The following KCNQ4 variants were observed in gnomAD, a reference collection of about 807,000 sequenced individuals.
KCNQ4 encodes the protein potassium voltage-gated channel subfamily Q member 4, also known as potassium voltage-gated channel subfamily KQT member 4.
KCNQ4 carries 31 observed loss-of-function variants against 72.6 expected under a neutral mutation model. The observed-to-expected ratio is 0.43, with a 90% CI of 0.32 to 0.58. The LOEUF (loss-of-function observed/expected upper bound fraction) is 0.58. Ranked by LOEUF, KCNQ4 falls within the 20% of genes least tolerant of loss-of-function variation. The pLI, the probability that KCNQ4 is intolerant of heterozygous loss-of-function variation, is 0.08. For synonymous variants in KCNQ4, 405 were observed against 403.7 expected (o/e 1.00, Z -0.04); for missense variants, 869 against 962.6 (o/e 0.90, Z 1.29).
At chr1:40,820,896 G>A (rs1203160619) in intron 7 of KCNQ4, among the ~76,000 whole-genome samples, 1 of 152,192 alleles carries the variant, frequency 6.6e-6, no homozygotes, top group Non-Finnish European at 1.5e-5. Flanking sequence ...ACTAGGCCTT[G>A]GCTTTTTCTA....
chr1:40,837,970 C>T (rs1015935493), intron 13 of KCNQ4, among the ~76,000 whole-genome samples, 176 bp downstream of exon 13: 1 of 151,818 alleles, frequency 6.6e-6, no homozygotes, highest in Non-Finnish European at 1.5e-5. Context: ...TAAACCCGCC[C>T]TCTCCTGCTA....
chr1:40,784,306 G>A lies in KCNQ4; in HGVS notation c.213G>A (p.Gln71=). Residue 71 remains glutamine, a synonymous_variant, in exon 1 of 14, where the codon CAG becomes CAA. Coordinates refer to ENST00000347132, the MANE Select transcript of KCNQ4 (RefSeq NM_004700.4). The surrounding 1 kb of genome is among the most constrained non-coding windows in gnomAD (Gnocchi z 4.1). ...CCGGCTCGGGCTCCGCCTGCGGCCA[G>A]CGCTCCTCGGCCGCGCACAAGCGCT... The part of the protein sequence containing the change: ...PGSGSGSACG[Q]RSSAAHKRYR... The A allele has an allele frequency of 1.2e-6, 2 of 1,600,374 alleles. No individual in the cohort carries two copies. Among genetic ancestry groups the A allele is most frequent in the Non-Finnish European group, 1.7e-6 (2 of 1,176,248 alleles).
chr1:40,818,820 A>T, intron 4 of KCNQ4, 140 bp downstream of exon 4: 4 of 923,420 alleles, frequency 4.3e-6, no homozygotes, highest in Middle Eastern at 3.3e-4. Context: ...GAGCCCTAGC[A>T]GGAGGCGAGG....
chr1:40,820,936 C>A (rs72949104), intron 7 of KCNQ4, among the ~76,000 whole-genome samples: 12,629 of 152,186 alleles, frequency 0.083, 812 homozygotes, highest in African/African-American at 0.17. Context: ...GAACTCCTTG[C>A]AGGAAATGCT....
intron 1 of KCNQ4, among the ~76,000 whole-genome samples, chr1:40,785,029 C>T (rs892458911): frequency 6.6e-6 from 1 of 152,218 alleles, no homozygotes; most frequent in Non-Finnish European, 1.5e-5. Flanking sequence ...CCTCAACTTC[C>T]CAGTGGCAAC....
rs1036871786 is a variant in KCNQ4, at chr1:40,802,118, G to A, written c.315-15147G>A. Among the ~76,000 whole-genome samples, 3 of 152,080 alleles carry A rather than the reference G, an allele frequency of 2.0e-5. No individual in the cohort carries two copies. In the East Asian group the frequency reaches 5.8e-4, roughly 29 times the overall value. On this transcript the variant is annotated intron_variant, in intron 1 of 13. Coordinates refer to ENST00000347132, the MANE Select transcript of KCNQ4 (RefSeq NM_004700.4). ...TTTATTCCGCACTATCTGTATGGTC[G>A]GTGTGTCTTCTCTCCCCATTTTCCG... is the stretch of plus-strand genomic sequence containing the variant.
rs935217185 is a variant in KCNQ4, at chr1:40,834,823, G to A, written c.1614-144G>A. ...CTGCTACTTGGAGGTAGGGGAGGCT[G>A]GGAGACGCAGCAGAGGCTGTTCATG... On this transcript the variant is annotated intron_variant, in intron 11 of 13. Coordinates refer to ENST00000347132, the MANE Select transcript of KCNQ4 (RefSeq NM_004700.4). The A allele has an allele frequency of 8.5e-6, 9 of 1,058,996 alleles. No individual in the cohort carries two copies. In the African/African-American group the frequency reaches 9.5e-5, roughly 11 times the overall value. 65.6% of individuals were successfully genotyped at this position (1,058,996 alleles called of 1,614,324 possible). A position where few individuals can be genotyped will look rare whatever the true frequency, so the allele number is the denominator to read the frequency against.
chr1:40,791,597 G>A (rs1346556357), intron 1 of KCNQ4, among the ~76,000 whole-genome samples: 2 of 152,216 alleles, frequency 1.3e-5, no homozygotes, highest in Non-Finnish European at 1.5e-5. Context: ...TCCGTGGGCA[G>A]CGCCTGAGGA....
intron 1 of KCNQ4, among the ~76,000 whole-genome samples, chr1:40,807,534 T>C (rs1029838885): frequency 6.6e-6 from 1 of 152,134 alleles, no homozygotes; most frequent in African/African-American, 2.4e-5. Flanking sequence ...TGAGGATTCT[T>C]GGAAAGAGCC....
At chr1:40,818,853 G>T in intron 4 of KCNQ4, 173 bp downstream of exon 4, 1 of 698,924 alleles carries the variant, frequency 1.4e-6, no homozygotes. Context: ...GGGCGAAGTG[G>T]ATTCTGAATT....
At chr1:40,810,829 G>T (rs369068926) in intron 1 of KCNQ4, among the ~76,000 whole-genome samples, 1 of 152,290 alleles carries the variant, frequency 6.6e-6, no homozygotes, top group Non-Finnish European at 1.5e-5. Flanking sequence ...CTTTGTGTGT[G>T]TTTCTGACAG....
chr1:40,827,114 G>A (rs1049446396), intron 9 of KCNQ4, among the ~76,000 whole-genome samples: 1 of 152,206 alleles, frequency 6.6e-6, no homozygotes, highest in African/African-American at 2.4e-5. Flanking sequence ...GATGCCTGAA[G>A]GAGCTGGGTT....
rs1648602349 is a variant in KCNQ4 at position 40,830,401 on chromosome 1, C to T, written c.1293-683C>T. Among the ~76,000 whole-genome samples, 3 of 152,302 alleles carry T rather than the reference C, an allele frequency of 2.0e-5. No individual in the cohort carries two copies. The South Asian group carries it at 6.2e-4, about 32-fold the overall frequency. On this transcript the variant is annotated intron_variant, in intron 9 of 13. Coordinates refer to ENST00000347132, the MANE Select transcript of KCNQ4 (RefSeq NM_004700.4). Reference sequence around the variant, plus strand: ...GGAGTCCTTATTTTGCAGTGCACTGCCTGCACAGCTGTACGAGGCCCTAAA... The same window carrying T: ...GGAGTCCTTATTTTGCAGTGCACTGTCTGCACAGCTGTACGAGGCCCTAAA...
intron 12 of KCNQ4, among the ~76,000 whole-genome samples, chr1:40,835,333 C>T (rs1648779982): frequency 6.6e-6 from 1 of 152,176 alleles, no homozygotes; most frequent in Non-Finnish European, 1.5e-5. Flanking sequence ...CTGTGCAAGC[C>T]CTATTGACTC....
chr1:40,790,892 G>A (rs1036170092), intron 1 of KCNQ4, among the ~76,000 whole-genome samples: 14 of 152,168 alleles, frequency 9.2e-5, no homozygotes, highest in African/African-American at 1.2e-4. Context: ...TCTGGTCTGT[G>A]TGTAGCTGTG....
rs761479115 is a variant in KCNQ4, at chr1:40,838,498, G to A, written c.2063G>A (p.Arg688His). 1 of 1,614,112 alleles carries A rather than the reference G, an allele frequency of 6.2e-7. No homozygotes were observed. The highest frequency in any genetic ancestry group is 2.2e-5 in the East Asian group (1 of 44,878). Residue 688 changes from arginine to histidine, a missense_variant, in exon 14 of 14, where the codon CGC becomes CAC. Around this residue, in one of 5 missense-constraint regions of KCNQ4, gnomAD observed 480 missense variants for 501.9 expected, o/e 0.96. Transcript: ENST00000347132. ...TCCGCACAGACGCTCAGCATCTCCCGCTCGGTCAGCACCAACATGGACTGA... is the reference window on the plus strand; with the variant it reads ...TCCGCACAGACGCTCAGCATCTCCCACTCGGTCAGCACCAACATGGACTGA... ...SVSAQTLSIS[R>H]SVSTNMD
rs35243800 is a variant in KCNQ4 at position 40,814,046 on chromosome 1, C to CTTTTTTTTTTTTTTTT, written c.315-3210_315-3195dup. Reference sequence around the variant, plus strand: ...ACAGGCGTGAGCCACTGCGCCCGGCCTTTTTTTTTTTTTTTTTTTTTTTTG... The same window carrying CTTTTTTTTTTTTTTTT: ...ACAGGCGTGAGCCACTGCGCCCGGCCTTTTTTTTTTTTTTTTTTTTTTTTTTTTTTTTTTTTTTTTG... On this transcript the variant is annotated intron_variant, in intron 1 of 13. Transcript: ENST00000347132. Among the ~76,000 whole-genome samples, 8 of 52,708 alleles carry CTTTTTTTTTTTTTTTT rather than the reference C, an allele frequency of 1.5e-4. 1 individual carries two copies. Among genetic ancestry groups the CTTTTTTTTTTTTTTTT allele is most frequent in the Admixed American group, 5.6e-4 (2 of 3,590 alleles). 34.6% of individuals were successfully genotyped at this position (52,708 alleles called of 152,430 possible).
At chr1:40,820,830 C>T (rs1027569959) in intron 7 of KCNQ4, among the ~76,000 whole-genome samples, 8 of 152,134 alleles carry the variant, frequency 5.3e-5, no homozygotes, top group African/African-American at 1.2e-4. Context: ...TGTGCCATGG[C>T]GTGTTGTGAC....
Position 40,788,813 on chromosome 1 carries a change from C to T in KCNQ4, c.314+4406C>T, listed in dbSNP as rs1004931117. Among the ~76,000 whole-genome samples, 2 of 152,242 alleles carry T rather than the reference C, an allele frequency of 1.3e-5. No homozygotes were observed. Among genetic ancestry groups the T allele is most frequent in the African/African-American group, 2.4e-5 (1 of 41,460 alleles). ...CTGCCAGCCTCACCCAGTGCAGCCA[C>T]GTTTTAGTTGTAGACCACGTCACTG... On this transcript the variant is annotated intron_variant, in intron 1 of 13. Transcript: ENST00000347132. This position sits in a 1 kb window ranked among gnomAD's most constrained non-coding sequence, Gnocchi z 4.5.
Sources: allele counts gnomAD v4.1 joint callset (sites outside exome capture counted in the v4.1 genomes callset), GRCh38; gene constraint gnomAD v4.1.1; regional missense constraint gnomAD v4.1.1; non-coding constraint Gnocchi (gnomAD v3.1); transcripts MANE v1.5; gene names NCBI Gene and HGNC (gene_info 2026-07-23, HGNC 2026-07-21).